Variants in TBL1XR1 observed in about 807,000 individuals in gnomAD.
TBL1XR1 encodes the protein TBL1X/Y related 1.
Under a neutral mutation model 66.9 loss-of-function variants are expected in TBL1XR1, and 5 were observed. That is an observed-to-expected ratio of 0.07 (90% CI 0.04 to 0.16). The LOEUF (loss-of-function observed/expected upper bound fraction) is 0.16, where lower values mean the gene tolerates loss of function less well. Ranked by LOEUF, TBL1XR1 falls within the 10% of genes least tolerant of loss-of-function variation. The probability of loss-of-function intolerance (pLI) is 1.00; values close to 1 mark genes in which losing one functional copy is unlikely to be tolerated. For missense variants in TBL1XR1, 238 were observed against 623.2 expected (o/e 0.38, Z 6.58); for synonymous variants, 210 against 206.0 (o/e 1.02, Z -0.17).
chr3:177,130,681 C>G lies in TBL1XR1; in HGVS notation c.-121-32140G>C, dbSNP rs528286040. The stretch of plus-strand genomic sequence containing the variant: ...TAAATTTTGAACCATATAAAATGCT[C>G]AAGTGTTCAAAACAAGTTAACAAGT... On this transcript the variant is annotated intron_variant, in intron 1 of 15. Coordinates refer to ENST00000457928, the MANE Select transcript of TBL1XR1 (RefSeq NM_024665.7). 2.0e-4 allele frequency among the ~76,000 whole-genome samples: 30 copies of G among 152,002 alleles called. 1 individual carries two copies. The South Asian group carries it at 5.8e-3, about 29-fold the overall frequency.
chr3:177,091,604 A>G (rs982592342), intron 2 of TBL1XR1, among the ~76,000 whole-genome samples: 1 of 152,142 alleles, frequency 6.6e-6, no homozygotes, highest in African/African-American at 2.4e-5. Flanking sequence ...CAACTTGAAA[A>G]GGCTCTTTTG....
intron 2 of TBL1XR1, among the ~76,000 whole-genome samples, chr3:177,091,651 G>A (rs1312776274): frequency 6.6e-6 from 1 of 152,016 alleles, no homozygotes; most frequent in Non-Finnish European, 1.5e-5. Context: ...ACAAACTACA[G>A]TCAATAAAAC....
intron 14 of TBL1XR1, among the ~76,000 whole-genome samples, chr3:177,030,131 TAGAGAGAG>T (rs72403499): frequency 1.3e-5 from 2 of 149,388 alleles, no homozygotes; most frequent in Admixed American, 1.3e-4. Flanking sequence ...TATATATATA[TAGAGAGAG>T]AGAGAGAGAG....
intron 1 of TBL1XR1, among the ~76,000 whole-genome samples, chr3:177,177,803 G>A (rs73041618): frequency 5.9e-5 from 9 of 152,204 alleles, no homozygotes; most frequent in African/African-American, 2.2e-4. Flanking sequence ...GTTCTAGGTA[G>A]CTGCAGACAG....
upstream of TBL1XR1, among the ~76,000 whole-genome samples, chr3:177,198,865 GACACACACACACACACACACACACAC>G (rs57636923): frequency 1.4e-4 from 21 of 148,180 alleles, no homozygotes; most frequent in African/African-American, 2.2e-4. Context: ...GAAGTTTTGC[GACACACACACACACACACACACACAC>G]ACACACACAC....
chr3:177,084,395 T>C (rs564668834), intron 2 of TBL1XR1, among the ~76,000 whole-genome samples: 2 of 152,366 alleles, frequency 1.3e-5, no homozygotes, highest in South Asian at 2.1e-4. Flanking sequence ...TTAGGATATA[T>C]GTAGAATCAC....
At chr3:177,154,018 A>G (rs992096774) in intron 1 of TBL1XR1, among the ~76,000 whole-genome samples, 1 of 152,052 alleles carries the variant, frequency 6.6e-6, no homozygotes, top group Non-Finnish European at 1.5e-5. Flanking sequence ...AAAAGAACAG[A>G]TAAGACAAAA....
rs186593966 is a variant in TBL1XR1 at position 177,043,612 on chromosome 3, T to C, written c.925+2517A>G. On this transcript the variant is annotated intron_variant, in intron 10 of 15. Coordinates refer to ENST00000457928, the MANE Select transcript of TBL1XR1 (RefSeq NM_024665.7). ...TTTTGTATTTGAAGTATATTTTACA[T>C]AGGCAGTATATAGTTGAGTCTTGCT... is the stretch of plus-strand genomic sequence containing the variant. Among the ~76,000 whole-genome samples the C allele has an allele frequency of 2.7e-3, 413 of 152,296 alleles. 3 individuals carry two copies. The highest frequency in any genetic ancestry group is 9.6e-3 in the African/African-American group (398 of 41,574).
intron 1 of TBL1XR1, among the ~76,000 whole-genome samples, chr3:177,193,109 C>T (rs1442013627): frequency 6.6e-6 from 1 of 151,518 alleles, no homozygotes; most frequent in Non-Finnish European, 1.5e-5. Context: ...GCCGAGATCG[C>T]GCCACTGCAC....
chr3:177,168,283 CTTTTT>C (rs11307636), intron 1 of TBL1XR1, among the ~76,000 whole-genome samples: 14 of 142,836 alleles, frequency 9.8e-5, no homozygotes, highest in Admixed American at 2.8e-4. Flanking sequence ...GGAAATAAAC[CTTTTT>C]TTTTTTTTTT....
chr3:177,162,592 A>G (rs1485707267), intron 1 of TBL1XR1, among the ~76,000 whole-genome samples: 2 of 152,238 alleles, frequency 1.3e-5, no homozygotes, highest in African/African-American at 4.8e-5. Context: ...GGTGGGTTAC[A>G]TGGTCAGTTT....
rs185392506 is a variant in TBL1XR1 at position 177,106,429 on chromosome 3, C to T, written c.-121-7888G>A. 3.5e-3 allele frequency among the ~76,000 whole-genome samples: 529 copies of T among 152,246 alleles called. 12 individuals carry two copies. The highest frequency in any genetic ancestry group is 0.027 in the Admixed American group (413 of 15,278). On this transcript the variant is annotated intron_variant, in intron 1 of 15. Coordinates refer to ENST00000457928, the MANE Select transcript of TBL1XR1 (RefSeq NM_024665.7). ...TTAGCACTCAAGTGTATTATCAGCG[C>T]CAGCACTAGCTTCTGCAGTACCTTT...
chr3:177,198,865 GACACACAC>G (rs57636923), upstream of TBL1XR1, among the ~76,000 whole-genome samples: 9,306 of 148,092 alleles, frequency 0.063, 761 homozygotes, highest in African/African-American at 0.19. Flanking sequence ...GAAGTTTTGC[GACACACAC>G]ACACACACAC....
chr3:177,157,713 T>C (rs918753271), intron 1 of TBL1XR1, among the ~76,000 whole-genome samples: 4 of 152,112 alleles, frequency 2.6e-5, no homozygotes, highest in African/African-American at 7.2e-5. Context: ...TCCATTCATA[T>C]GAAATTTCTC....
chr3:177,197,610 G>T (rs1737046076), upstream of TBL1XR1, among the ~76,000 whole-genome samples: 1 of 138,940 alleles, frequency 7.2e-6, no homozygotes. Flanking sequence ...AAACCCGAGC[G>T]GCCTGCGCCG....
intron 1 of TBL1XR1, among the ~76,000 whole-genome samples, chr3:177,193,217 C>T (rs1240495523): frequency 6.6e-6 from 1 of 151,972 alleles, no homozygotes; most frequent in East Asian, 1.9e-4. Flanking sequence ...ACTACCCCAA[C>T]ATCACAGCTA....
At chr3:177,173,511 A>G (rs1043210214) in intron 1 of TBL1XR1, among the ~76,000 whole-genome samples, 1 of 152,230 alleles carries the variant, frequency 6.6e-6, no homozygotes, top group African/African-American at 2.4e-5. Flanking sequence ...TATTGTACCC[A>G]TAACCTCAGT....
At chr3:177,123,030 A>G (rs992894507) in intron 1 of TBL1XR1, among the ~76,000 whole-genome samples, 2 of 152,074 alleles carry the variant, frequency 1.3e-5, no homozygotes, top group Admixed American at 6.5e-5. Flanking sequence ...TGTCGCACAC[A>G]TGTGTCTTGT....
chr3:177,044,147 C>G (rs1715996231), intron 10 of TBL1XR1, among the ~76,000 whole-genome samples: 1 of 152,196 alleles, frequency 6.6e-6, no homozygotes, highest in African/African-American at 2.4e-5. Flanking sequence ...GTGGTTTATC[C>G]TAACCAGTGC....
Sources: gnomAD v4.1 joint callset for allele counts (sites outside exome capture counted in the v4.1 genomes callset) on GRCh38, gnomAD v4.1.1 for gene constraint, MANE v1.5 for transcripts, NCBI Gene and HGNC (gene_info 2026-07-23, HGNC 2026-07-21) for gene names.